The following SNAP91 variants were observed in gnomAD, a reference collection of about 807,000 sequenced individuals.
SNAP91 encodes clathrin coat assembly protein AP180.
A neutral mutation model predicts 100.3 loss-of-function variants in SNAP91; 27 were observed. The ratio of observed to expected loss-of-function variants is 0.27; its 90% CI spans 0.20 to 0.37. SNAP91 has a LOEUF of 0.37. Ranked by LOEUF, SNAP91 falls within the 10% of genes least tolerant of loss-of-function variation. The probability of loss-of-function intolerance (pLI) is 1.00; values close to 1 mark genes in which losing one functional copy is unlikely to be tolerated. For missense variants in SNAP91, 986 were observed against 1,123.7 expected, an observed-to-expected ratio of 0.88 and a Z score of 1.75; for synonymous variants, 404 against 398.6, an observed-to-expected ratio of 1.01 and a Z score of -0.16.
intron 2 of SNAP91, among the ~76,000 whole-genome samples, chr6:83,694,139 G>C (rs1158669517): frequency 2.0e-5 from 3 of 152,182 alleles, no homozygotes; most frequent in Non-Finnish European, 2.9e-5. Context: ...ATGATAGAAT[G>C]AATGCTGTGT....
intron 8 of SNAP91, among the ~76,000 whole-genome samples, chr6:83,637,704 A>T (rs2097523149): frequency 6.6e-6 from 1 of 152,312 alleles, no homozygotes. Flanking sequence ...GGTCTTGTGA[A>T]GGGAGGGACA....
At chr6:83,581,097 T>C (rs1356207968) in intron 23 of SNAP91, among the ~76,000 whole-genome samples, 1 of 152,224 alleles carries the variant, frequency 6.6e-6, no homozygotes, top group Non-Finnish European at 1.5e-5. Context: ...ATGTGCTTTA[T>C]GGTGAAATCT....
At chr6:83,654,747 G>A (rs556558378) in intron 7 of SNAP91, among the ~76,000 whole-genome samples, 5 of 152,310 alleles carry the variant, frequency 3.3e-5, no homozygotes, top group African/African-American at 1.2e-4. Flanking sequence ...TTTATGAAAA[G>A]ATGTATGTAT....
At chr6:83,689,228 CATT>C (rs1434763672) in intron 2 of SNAP91, among the ~76,000 whole-genome samples, 2 of 152,114 alleles carry the variant, frequency 1.3e-5, no homozygotes, top group East Asian at 3.8e-4. Context: ...ACAGAGCAGC[CATT>C]ATGATTCGTG....
intron 2 of SNAP91, among the ~76,000 whole-genome samples, chr6:83,705,532 T>C (rs940378873): frequency 3.3e-5 from 5 of 152,028 alleles, no homozygotes; most frequent in Admixed American, 1.3e-4. Context: ...ACAGGGGAAG[T>C]AGCAGCTCAC....
At chr6:83,599,841 A>T (rs1270815548) in intron 16 of SNAP91, among the ~76,000 whole-genome samples, 2 of 152,178 alleles carry the variant, frequency 1.3e-5, no homozygotes, top group African/African-American at 4.8e-5. Flanking sequence ...GCTAAAGTGC[A>T]GTGGCGTGAT....
intron 28 of SNAP91, among the ~76,000 whole-genome samples, chr6:83,557,255 G>A (rs1035970170): frequency 2.6e-5 from 4 of 152,098 alleles, no homozygotes; most frequent in African/African-American, 9.7e-5. Context: ...GGGCAGTGTT[G>A]TATATTTTTA....
At chr6:83,556,395 GA>G (rs10583542) in intron 28 of SNAP91, 150 bp from the exon 29 acceptor site, 47 of 355,014 alleles carry the variant, frequency 1.3e-4, no homozygotes, top group African/African-American at 4.5e-4. Context: ...GAGAGAGAGA[GA>G]AAAGCATTAG....
intron 2 of SNAP91, among the ~76,000 whole-genome samples, chr6:83,670,949 G>A (rs973994401): frequency 8.6e-5 from 13 of 151,906 alleles, no homozygotes; most frequent in African/African-American, 2.9e-4. Flanking sequence ...AGCCCTTCAA[G>A]TTTATTATAT....
rs74680793 is a variant in SNAP91 at position 83,627,904 on chromosome 6, C to T, written c.766-4562G>A. 3.1e-3 allele frequency among the ~76,000 whole-genome samples: 465 copies of T among 151,802 alleles called. 2 individuals are homozygous for T. The highest frequency in any genetic ancestry group is 0.011 in the African/African-American group (436 of 41,472). On this transcript the variant is annotated intron_variant, in intron 8 of 29. Coordinates refer to ENST00000369694, the MANE Select transcript of SNAP91 (RefSeq NM_001242792.2). ...GAACAGGTGAGGTGGCGTTTGGTTA[C>T]ATGAGTAAGTCCTTTAGTAGTGATC...
intron 2 of SNAP91, among the ~76,000 whole-genome samples, chr6:83,671,756 T>C (rs567465975): frequency 6.6e-6 from 1 of 151,950 alleles, no homozygotes; most frequent in Non-Finnish European, 1.5e-5. Context: ...AACAAGAAAA[T>C]AGCAACAAAT....
At chr6:83,697,328 A>G (rs1588032874) in intron 2 of SNAP91, among the ~76,000 whole-genome samples, 2 of 120,612 alleles carry the variant, frequency 1.7e-5, no homozygotes, top group African/African-American at 7.3e-5. Context: ...ATAGCTGCAC[A>G]CACACACACA....
chr6:83,577,276 T>C (rs1200735824), intron 24 of SNAP91, among the ~76,000 whole-genome samples: 1 of 152,056 alleles, frequency 6.6e-6, no homozygotes, highest in African/African-American at 2.4e-5. Flanking sequence ...TCTTACCAAA[T>C]CTTGGCATTA....
intron 24 of SNAP91, 120 bp downstream of exon 24, chr6:83,580,330 C>G (rs573815591): frequency 2.4e-5 from 24 of 1,008,626 alleles, no homozygotes; most frequent in Non-Finnish European, 3.2e-5. Context: ...CCCTGCCATA[C>G]TCACCCATAA....
At chr6:83,676,110 CA>C (rs34754235) in intron 2 of SNAP91, among the ~76,000 whole-genome samples, 50,810 of 133,876 alleles carry the variant, frequency 0.38, 8,792 homozygotes, top group African/African-American at 0.46. Context: ...GACCCTATCT[CA>C]AAAAAAAAAA....
intron 2 of SNAP91, chr6:83,686,720 G>A (rs1203239058): frequency 2.0e-5 from 3 of 152,196 alleles, no homozygotes. Flanking sequence ...TTCAATGGAT[G>A]ACACTAAATT....
At chr6:83,618,283 T>C (rs1048655413) in intron 9 of SNAP91, among the ~76,000 whole-genome samples, 7 of 151,722 alleles carry the variant, frequency 4.6e-5, no homozygotes, top group Non-Finnish European at 8.9e-5. Flanking sequence ...AATTACTAAG[T>C]GAACCAAAAT....
chr6:83,673,424 C>T lies in SNAP91; in HGVS notation c.131-7843G>A, dbSNP rs534805464. Among the ~76,000 whole-genome samples, 5 of 152,226 alleles carry T rather than the reference C, an allele frequency of 3.3e-5. No homozygotes were observed. In the East Asian group the frequency reaches 5.8e-4, roughly 18 times the overall value. On this transcript the variant is annotated intron_variant, in intron 2 of 29. Coordinates refer to ENST00000369694, the MANE Select transcript of SNAP91 (RefSeq NM_001242792.2). The stretch of plus-strand genomic sequence containing the variant: ...TACAGAAGAGACCCCTCACCAAAAC[C>T]TGACTATGCTGGACTTCCTATCTCC...
At chr6:83,600,460 T>C (rs1176609014) in intron 16 of SNAP91, among the ~76,000 whole-genome samples, 1 of 152,160 alleles carries the variant, frequency 6.6e-6, no homozygotes, top group Non-Finnish European at 1.5e-5. Context: ...AAAACTATAA[T>C]GACTATAACA....
Sources: allele counts gnomAD v4.1 joint callset (sites outside exome capture counted in the v4.1 genomes callset), GRCh38; gene constraint gnomAD v4.1.1; transcripts MANE v1.5; gene names NCBI Gene and HGNC (gene_info 2026-07-23, HGNC 2026-07-21).